USP32: variants seen among roughly 807,000 people sequenced by gnomAD.
The protein encoded by USP32 is ubiquitin specific peptidase 32, also known as ubiquitin carboxyl-terminal hydrolase 32.
Under a neutral mutation model 204.8 loss-of-function variants are expected in USP32, and 59 were observed. The observed-to-expected ratio is 0.29, with a 90% CI of 0.23 to 0.36. The LOEUF (loss-of-function observed/expected upper bound fraction) is 0.36, where lower values mean the gene tolerates loss of function less well. Among genes scored for constraint, USP32 ranks in the 10% least tolerant of loss-of-function variants. The probability of loss-of-function intolerance (pLI) is 1.00; values close to 1 mark genes in which losing one functional copy is unlikely to be tolerated. For missense variants in USP32, 1,160 were observed against 1,946.4 expected (o/e 0.60, Z 7.60); for synonymous variants, 517 against 678.4 (o/e 0.76, Z 3.70).
Position 60,249,561 on chromosome 17 carries a change from G to A in USP32, c.1136+2820C>T, listed in dbSNP as rs529816193. 56 of 541,300 alleles carry A rather than the reference G, an allele frequency of 1.0e-4. No individual in the cohort carries two copies. In the South Asian group the frequency reaches 1.4e-3, roughly 13 times the overall value. 33.5% of individuals were successfully genotyped at this position (541,300 alleles called of 1,614,324 possible). ...GTATGTATTTATTTTATTATCCTTG[G>A]ACAGGCATTTATTCCTGCTCTCCTT... On this transcript the variant is annotated intron_variant, in intron 11 of 33. Transcript: ENST00000300896.
chr17:60,383,235 CAAAA>C (rs11300967), intron 1 of USP32, among the ~76,000 whole-genome samples: 1 of 74,050 alleles, frequency 1.4e-5, no homozygotes, highest in African/African-American at 3.6e-5. Context: ...GACATCGTCC[CAAAA>C]AAAAAAAAAA....
At chr17:60,333,525 G>A (rs182639504) in intron 2 of USP32, among the ~76,000 whole-genome samples, 18 of 152,172 alleles carry the variant, frequency 1.2e-4, no homozygotes, top group African/African-American at 4.1e-4. Flanking sequence ...ACTTGAACCC[G>A]GGAGGTGGAG....
rs180989335 is a variant in USP32 at position 60,286,584 on chromosome 17, G to A, written c.571+1939C>T. 1.0e-3 allele frequency among the ~76,000 whole-genome samples: 156 copies of A among 152,332 alleles called. 1 individual carries two copies. Among genetic ancestry groups the A allele is most frequent in the African/African-American group, 3.4e-3 (141 of 41,576 alleles). On this transcript the variant is annotated intron_variant, in intron 5 of 33. Coordinates refer to ENST00000300896, the MANE Select transcript of USP32 (RefSeq NM_032582.4). ...GGTCCCTGCATGCATGGAAATAAAG[G>A]ATACTCCTGAGTTCCTTCAAGTGAA...
chr17:60,278,790 G>A (rs574816850), intron 5 of USP32, among the ~76,000 whole-genome samples: 2 of 152,318 alleles, frequency 1.3e-5, no homozygotes, highest in South Asian at 4.1e-4. Flanking sequence ...GGAGCTGCTA[G>A]ACTGCTTGGA....
Position 60,179,263 on chromosome 17 carries a change from A to G in USP32, c.4807T>C (p.Leu1603=), listed in dbSNP as rs2084039118. The change falls in exon 34 of 34, where the codon TTA becomes CTA. Residue 1603 remains leucine, a synonymous_variant. Coordinates refer to ENST00000300896, the MANE Select transcript of USP32 (RefSeq NM_032582.4). ...FESDYKKYCV[L]Q Reference sequence around the variant, plus strand: ...CAGCCAGAGTGGTAGCTTTACTGTAACACACAGTACTTTTTGTAATCAGAC... The same window carrying G: ...CAGCCAGAGTGGTAGCTTTACTGTAGCACACAGTACTTTTTGTAATCAGAC... 1.2e-6 allele frequency: 2 copies of G among 1,613,718 alleles called. No individual in the cohort carries two copies. Among genetic ancestry groups the G allele is most frequent in the Non-Finnish European group, 1.7e-6 (2 of 1,179,804 alleles).
chr17:60,285,892 T>A (rs2087097618), intron 5 of USP32, among the ~76,000 whole-genome samples: 1 of 151,928 alleles, frequency 6.6e-6, no homozygotes, highest in Non-Finnish European at 1.5e-5. Flanking sequence ...ATCCCAGCAC[T>A]TTGAGAGGCC....
intron 2 of USP32, among the ~76,000 whole-genome samples, chr17:60,321,408 T>C (rs1480542461): frequency 6.6e-6 from 1 of 152,114 alleles, no homozygotes; most frequent in Non-Finnish European, 1.5e-5. Flanking sequence ...AAAACAAATA[T>C]ACCGACATCT....
intron 23 of USP32, 152 bp downstream of exon 23, chr17:60,208,502 C>G: frequency 7.7e-7 from 1 of 1,304,554 alleles, no homozygotes; most frequent in Non-Finnish European, 9.9e-7. Context: ...ATCTTTCAAA[C>G]CTCAAGTCAT....
At chr17:60,421,765 C>A in intron 1 of USP32, 1 of 884,494 alleles carries the variant, frequency 1.1e-6, no homozygotes, top group Non-Finnish European at 1.4e-6. Flanking sequence ...CCGCCCTCGG[C>A]CTCGGGTCCC....
chr17:60,181,237 C>G, intron 32 of USP32, 87 bp downstream of exon 32: 1 of 1,493,656 alleles, frequency 6.7e-7, no homozygotes, highest in South Asian at 1.3e-5. Flanking sequence ...TAAGCAGGAC[C>G]TGAAAAAAAT....
Position 60,179,443 on chromosome 17 carries a change from A to G in USP32, c.4642-15T>C. The G allele has an allele frequency of 1.2e-6, 2 of 1,611,646 alleles. No homozygotes were observed. The highest frequency in any genetic ancestry group is 1.7e-6 in the Non-Finnish European group (2 of 1,179,564). ...GGGTGAAGTTCCTGAAAGGGCAAGAAAAACCTTTAACAAAAAGCCATCACT... is the reference window on the plus strand; with the variant it reads ...GGGTGAAGTTCCTGAAAGGGCAAGAGAAACCTTTAACAAAAAGCCATCACT... On this transcript the variant is annotated splice_polypyrimidine_tract_variant and intron_variant, in intron 33 of 33. Coordinates refer to ENST00000300896, the MANE Select transcript of USP32 (RefSeq NM_032582.4).
intron 9 of USP32, chr17:60,257,952 T>C (rs2086356372): frequency 6.5e-6 from 1 of 152,992 alleles, no homozygotes; most frequent in Non-Finnish European, 1.5e-5. Context: ...TAGTCATTGG[T>C]TTCTTTAACT....
chr17:60,345,351 G>T, intron 2 of USP32, 130 bp downstream of exon 2: 1 of 1,310,880 alleles, frequency 7.6e-7, no homozygotes, highest in Non-Finnish European at 1.0e-6. Context: ...ACAAAACATT[G>T]TTTACCCACT....
chr17:60,180,002 A>C (rs1290575951), intron 33 of USP32, among the ~76,000 whole-genome samples: 1 of 151,244 alleles, frequency 6.6e-6, no homozygotes, highest in Middle Eastern at 3.3e-3. Flanking sequence ...TCTAGAAGAT[A>C]GGAGTTTTTG....
chr17:60,261,908 T>C (rs1414420545), intron 9 of USP32, among the ~76,000 whole-genome samples: 2 of 152,086 alleles, frequency 1.3e-5, no homozygotes, highest in East Asian at 3.8e-4. Context: ...AGAAACGTCA[T>C]GAAAAGAAAT....
At chr17:60,402,116 C>G (rs1420636691) in intron 1 of USP32, among the ~76,000 whole-genome samples, 1 of 152,154 alleles carries the variant, frequency 6.6e-6, no homozygotes, top group East Asian at 1.9e-4. Flanking sequence ...CATGTATTAG[C>G]TGCACCCAAT....
intron 2 of USP32, among the ~76,000 whole-genome samples, chr17:60,340,785 C>T (rs1007154032): frequency 5.9e-5 from 9 of 152,182 alleles, no homozygotes; most frequent in African/African-American, 2.2e-4. Flanking sequence ...GACAATTTGG[C>T]ATGTTTTTGC....
chr17:60,341,032 G>A lies in USP32; in HGVS notation c.186+4449C>T, dbSNP rs1240625090. 7.2e-5 allele frequency among the ~76,000 whole-genome samples: 11 copies of A among 152,266 alleles called. No individual in the cohort carries two copies. In the East Asian group the frequency reaches 2.1e-3, roughly 29 times the overall value. ...TTCTGGCTTGTAGGGCTTTTGCCTA[G>A]AGACCCACTGTTAGTCTGATGGGCT... is the stretch of plus-strand genomic sequence containing the variant. On this transcript the variant is annotated intron_variant, in intron 2 of 33. Coordinates refer to ENST00000300896, the MANE Select transcript of USP32 (RefSeq NM_032582.4).
At chr17:60,227,059 AATC>A (rs1465405978) in intron 12 of USP32, among the ~76,000 whole-genome samples, 2 of 146,818 alleles carry the variant, frequency 1.4e-5, no homozygotes, top group Non-Finnish European at 3.0e-5. Context: ...AAAAAAAAAA[AATC>A]ATATTTTTTT....
Sources: allele counts gnomAD v4.1 joint callset (sites outside exome capture counted in the v4.1 genomes callset), GRCh38; gene constraint gnomAD v4.1.1; transcripts MANE v1.5; gene names NCBI Gene and HGNC (gene_info 2026-07-23, HGNC 2026-07-21).